FAM76B: variants seen among roughly 807,000 people sequenced by gnomAD.
The protein encoded by FAM76B is family with sequence similarity 76 member B, also known as protein FAM76B.
FAM76B carries 16 observed loss-of-function variants against 51.8 expected under a neutral mutation model. The observed-to-expected ratio is 0.31, with a 90% confidence interval of 0.21 to 0.47. FAM76B has a LOEUF of 0.47. Among genes scored for constraint, FAM76B ranks in the 20% least tolerant of loss-of-function variants. The pLI, the probability that FAM76B is intolerant of heterozygous loss-of-function variation, is 1.00. For synonymous variants in FAM76B, 166 were observed against 129.5 expected (o/e 1.28, Z -1.91); for missense variants, 342 against 392.6 (o/e 0.87, Z 1.09).
chr11:95,776,061 A>G (rs1055260963), intron 8 of FAM76B, 38 bp from the exon 9 acceptor site: 1 of 996,778 alleles, frequency 1.0e-6, no homozygotes, highest in African/African-American at 1.7e-5. Context: ...ATATATTTGC[A>G]CACATACACA....
chr11:95,776,696 T>C (rs908041538), intron 8 of FAM76B, among the ~76,000 whole-genome samples: 3 of 151,382 alleles, frequency 2.0e-5, no homozygotes, highest in Non-Finnish European at 3.0e-5. Flanking sequence ...CATGATAATT[T>C]TTCATAAATG....
intron 2 of FAM76B, among the ~76,000 whole-genome samples, 182 bp from the exon 3 acceptor site, chr11:95,787,860 T>A (rs1191384026): frequency 3.9e-5 from 6 of 152,200 alleles, no homozygotes; most frequent in African/African-American, 1.4e-4. Context: ...ATGACAAATG[T>A]TTTTATACAT....
chr11:95,789,491 TCTC>T lies in FAM76B; in HGVS notation c.-16_-14del, dbSNP rs199525330. 26,278 of 1,592,026 alleles carry T rather than the reference TCTC, an allele frequency of 0.017. 289 individuals are homozygous for T. Among genetic ancestry groups the T allele is most frequent in the Non-Finnish European group, 0.02 (23,123 of 1,169,928 alleles). On this transcript the variant is annotated 5_prime_UTR_variant, in exon 1 of 10. Coordinates refer to ENST00000358780, the MANE Select transcript of FAM76B (RefSeq NM_144664.5). ...CCGAGGCCGCCATCCTGCTCCTCAG[TCTC>T]CTCCTCCGCCGCCGCCCGCTCCGAG...
At chr11:95,789,303 C>G in intron 1 of FAM76B, 89 bp downstream of exon 1, 1 of 1,399,368 alleles carries the variant, frequency 7.1e-7, no homozygotes, top group Non-Finnish European at 9.8e-7. Flanking sequence ...GAGGCGCCGG[C>G]GAAGAGGGGC....
chr11:95,779,133 C>T (rs980538729), intron 7 of FAM76B, 176 bp from the exon 8 acceptor site: 15 of 1,579,858 alleles, frequency 9.5e-6, no homozygotes, highest in Non-Finnish European at 1.3e-5. Context: ...ACATTACATA[C>T]ACCTGCAGAA....
At chr11:95,776,559 T>C (rs1408214661) in intron 8 of FAM76B, among the ~76,000 whole-genome samples, 1 of 151,154 alleles carries the variant, frequency 6.6e-6, no homozygotes, top group East Asian at 1.9e-4. Context: ...ACACTTGAGG[T>C]AAAAATAGAG....
chr11:95,787,816 G>C (rs1037429681), intron 2 of FAM76B, 138 bp from the exon 3 acceptor site: 1 of 662,326 alleles, frequency 1.5e-6, no homozygotes, highest in African/African-American at 1.9e-5. Context: ...AATATACAAG[G>C]ATATTTTCAG....
At chr11:95,773,658 T>C (rs1859870719) in intron 9 of FAM76B, among the ~76,000 whole-genome samples, 1 of 151,304 alleles carries the variant, frequency 6.6e-6, no homozygotes, top group Non-Finnish European at 1.5e-5. Context: ...CCATCCGAAC[T>C]CAAAATGAGT....
rs1244283672 is a variant in FAM76B, at chr11:95,769,997, T to C, written c.*1564A>G. The C allele has an allele frequency of 6.6e-6, 1 of 151,600 alleles. No homozygotes were observed. Among genetic ancestry groups the C allele is most frequent in the East Asian group, 1.9e-4 (1 of 5,186 alleles). The allele number at this position is 151,600 out of a possible 1,614,324, so 9.4% of individuals were successfully genotyped here. On this transcript the variant is annotated 3_prime_UTR_variant, in exon 10 of 10. Coordinates refer to ENST00000358780, the MANE Select transcript of FAM76B (RefSeq NM_144664.5). ...ATGTGTTCTTAAGAAAGCCAATCTT[T>C]GATATGACATTCACAATCAATGCTT...
Position 95,771,433 on chromosome 11 carries a change from G to C in FAM76B, c.*128C>G, listed in dbSNP as rs535138380. On this transcript the variant is annotated 3_prime_UTR_variant, in exon 10 of 10. Transcript: ENST00000358780. ...AATGCTGTATATCAATTACAAAAGT[G>C]AACAGGAAACACACCAATTCATTTG... is the stretch of plus-strand genomic sequence containing the variant. 141 of 604,452 alleles carry C rather than the reference G, an allele frequency of 2.3e-4. 4 individuals carry two copies. In the South Asian group the frequency reaches 2.9e-3, roughly 13 times the overall value. 37.4% of individuals were successfully genotyped at this position (604,452 alleles called of 1,614,324 possible).
At chr11:95,787,880 A>G (rs10765771) in intron 2 of FAM76B, among the ~76,000 whole-genome samples, 52,727 of 152,082 alleles carry the variant, frequency 0.35, 9,871 homozygotes, top group Non-Finnish European at 0.42. Flanking sequence ...TTTTTATTGC[A>G]TATTACTTTT....
intron 3 of FAM76B, chr11:95,786,891 A>T (rs1263596842): frequency 6.6e-6 from 1 of 152,328 alleles, no homozygotes; most frequent in African/African-American, 2.4e-5. Context: ...ATATACCTAT[A>T]ATGATTGTAG....
chr11:95,788,776 G>A (rs915687600), intron 1 of FAM76B: 16 of 1,434,854 alleles, frequency 1.1e-5, no homozygotes, highest in African/African-American at 1.4e-5. Context: ...GTAGACGTGG[G>A]GGTATATTAC....
Position 95,775,914 on chromosome 11 carries a change from G to A in FAM76B, c.930+8C>T, listed in dbSNP as rs765391496. 3.9e-6 allele frequency: 6 copies of A among 1,536,944 alleles called. No individual in the cohort carries two copies. The South Asian group carries it at 7.5e-5, about 19-fold the overall frequency. On this transcript the variant is annotated splice_region_variant and intron_variant, in intron 9 of 9. Transcript: ENST00000358780. ...TGCCTATCATTTTACGTAAATGATG[G>A]TAGTTACCTGAAGTTGTTCCACAGT...
intron 4 of FAM76B, 28 bp from the exon 5 acceptor site, chr11:95,783,292 G>A (rs1438820283): frequency 3.1e-6 from 5 of 1,601,956 alleles, no homozygotes; most frequent in Non-Finnish European, 4.3e-6. Flanking sequence ...TAAATTAAAT[G>A]TACCCATATA....
At chr11:95,787,746 T>C in intron 2 of FAM76B, 68 bp from the exon 3 acceptor site, 1 of 1,301,868 alleles carries the variant, frequency 7.7e-7, no homozygotes, top group South Asian at 1.3e-5. Flanking sequence ...AATGTCAAAA[T>C]AAAATGAGTC....
chr11:95,781,178 T>C (rs1860248915), intron 5 of FAM76B, among the ~76,000 whole-genome samples: 1 of 151,840 alleles, frequency 6.6e-6, no homozygotes, highest in African/African-American at 2.4e-5. Context: ...ATCACATTAA[T>C]ATCACTGACA....
intron 8 of FAM76B, among the ~76,000 whole-genome samples, chr11:95,778,516 A>C (rs1490575113): frequency 1.3e-5 from 2 of 151,594 alleles, no homozygotes; most frequent in Non-Finnish European, 3.0e-5. Flanking sequence ...AGTTTATGAA[A>C]TATTCCATTT....
intron 5 of FAM76B, among the ~76,000 whole-genome samples, chr11:95,780,475 G>GA (rs1860209922): frequency 6.6e-6 from 1 of 151,890 alleles, no homozygotes; most frequent in African/African-American, 2.4e-5. Context: ...AAGTTACGCT[G>GA]AAACTATTGA....
Sources: gnomAD v4.1 joint callset for allele counts (sites outside exome capture counted in the v4.1 genomes callset) on GRCh38, gnomAD v4.1.1 for gene constraint, MANE v1.5 for transcripts, NCBI Gene and HGNC (gene_info 2026-07-23, HGNC 2026-07-21) for gene names.